The following TRPM3 variants were observed in gnomAD, a reference collection of about 807,000 sequenced individuals.
TRPM3 encodes the protein transient receptor potential cation channel subfamily M member 3, also known as long transient receptor potential channel 3.
Under a neutral mutation model 181.2 loss-of-function variants are expected in TRPM3, and 77 were observed. The observed-to-expected ratio is 0.42, with a 90% CI of 0.35 to 0.51. TRPM3 has a LOEUF of 0.51. TRPM3 is among the 20% of genes least tolerant of loss of function. The pLI, the probability that TRPM3 is intolerant of heterozygous loss-of-function variation, is 0.01. For synonymous variants in TRPM3, 745 were observed against 796.4 expected (o/e 0.94, Z 1.09); for missense variants, 1,759 against 2,196.7 (o/e 0.80, Z 3.98).
chr9:70,696,538 T>C (rs1318179676), intron 8 of TRPM3, among the ~76,000 whole-genome samples: 1 of 152,144 alleles, frequency 6.6e-6, no homozygotes, highest in Non-Finnish European at 1.5e-5. Context: ...CATGTGCTCA[T>C]AAGAGCCAAT....
At chr9:70,750,632 C>T (rs1276428824) in intron 8 of TRPM3, among the ~76,000 whole-genome samples, 1 of 152,132 alleles carries the variant, frequency 6.6e-6, no homozygotes, top group Non-Finnish European at 1.5e-5. Context: ...GTGAGAGACA[C>T]TGCCGAAAGA....
intron 5 of TRPM3, among the ~76,000 whole-genome samples, chr9:70,839,127 G>T (rs892723636): frequency 1.2e-4 from 19 of 152,278 alleles, no homozygotes; most frequent in South Asian, 6.2e-4. Flanking sequence ...TTGGGGGTAG[G>T]ATTAGAGATG....
intron 9 of TRPM3, among the ~76,000 whole-genome samples, chr9:70,660,405 T>C (rs1398405143): frequency 6.6e-6 from 1 of 152,152 alleles, no homozygotes; most frequent in Non-Finnish European, 1.5e-5. Context: ...GCCCCCTCTC[T>C]GCTTCGAGTT....
intron 1 of TRPM3, among the ~76,000 whole-genome samples, chr9:71,379,691 C>A (rs781369723): frequency 2.2e-5 from 3 of 133,568 alleles, no homozygotes; most frequent in Non-Finnish European, 3.5e-5. Context: ...TTTTCTTTCC[C>A]AGAATCTTTT....
intron 9 of TRPM3, among the ~76,000 whole-genome samples, chr9:70,661,046 G>A (rs188044745): frequency 6.6e-6 from 1 of 152,192 alleles, no homozygotes; most frequent in Admixed American, 6.5e-5. Flanking sequence ...CAAAATACTA[G>A]TGAACTAAAT....
intron 8 of TRPM3, among the ~76,000 whole-genome samples, chr9:70,760,339 A>G (rs185623160): frequency 6.6e-6 from 1 of 150,762 alleles, no homozygotes; most frequent in East Asian, 1.9e-4. Flanking sequence ...TGGCATGTAG[A>G]AGCTCAGGGC....
chr9:70,787,763 C>CTTTTTTTTTTTTTTTTTTTTTTGGGTTTT, intron 6 of TRPM3, among the ~76,000 whole-genome samples: 1 of 68,558 alleles, frequency 1.5e-5, no homozygotes, highest in Non-Finnish European at 2.6e-5. Context: ...TTTTTGGATT[C>CTTTTTTTTTTTTTTTTTTTTTTGGGTTTT]TTTTTTTTTT....
At chr9:70,551,946 G>T (rs2046562314) in intron 24 of TRPM3, among the ~76,000 whole-genome samples, 1 of 152,174 alleles carries the variant, frequency 6.6e-6, no homozygotes, top group African/African-American at 2.4e-5. Context: ...GGTCAGGGAG[G>T]GTGTTAAGAG....
chr9:70,659,829 A>C (rs1030798538), intron 9 of TRPM3, among the ~76,000 whole-genome samples: 5 of 152,194 alleles, frequency 3.3e-5, no homozygotes, highest in Non-Finnish European at 7.4e-5. Flanking sequence ...CTGTGAACTG[A>C]AGCTAGACAA....
intron 1 of TRPM3, among the ~76,000 whole-genome samples, chr9:71,325,963 A>G (rs1269811001): frequency 1.3e-5 from 2 of 152,224 alleles, no homozygotes; most frequent in Non-Finnish European, 2.9e-5. Flanking sequence ...TCATTTCAGA[A>G]GATGTTTCTG....
intron 1 of TRPM3, among the ~76,000 whole-genome samples, chr9:71,197,987 G>C (rs953872658): frequency 2.6e-5 from 4 of 151,272 alleles, no homozygotes; most frequent in South Asian, 2.1e-4. Context: ...TTTTCTTCTA[G>C]GGTTTTTATG....
intron 9 of TRPM3, among the ~76,000 whole-genome samples, chr9:70,666,357 T>A (rs1365962645): frequency 5.3e-5 from 8 of 152,218 alleles, no homozygotes; most frequent in African/African-American, 1.9e-4. Flanking sequence ...TTGTGTTTTG[T>A]GTTCTGTATT....
intron 1 of TRPM3, among the ~76,000 whole-genome samples, chr9:70,981,019 G>A (rs117030598): frequency 0.03 from 4,637 of 152,218 alleles, 95 homozygotes; most frequent in Middle Eastern, 0.048. Flanking sequence ...ATACAAGAAC[G>A]TGTTTTCTTG....
rs773880364 is a variant in TRPM3, at chr9:71,380,365, T to C, written c.183+66288A>G. Among the ~76,000 whole-genome samples the C allele has an allele frequency of 4.7e-4, 71 of 152,228 alleles. 1 individual carries two copies. The highest frequency in any genetic ancestry group is 1.5e-3 in the Admixed American group (23 of 15,252). ...GCCCTATGTTGCGAGGAAGTATGCA[T>C]GCTTGTGAGTTGGTAATATTACCAA... On this transcript the variant is annotated intron_variant, in intron 1 of 24. Coordinates refer to the TRPM3 transcript ENST00000357533.
intron 1 of TRPM3, among the ~76,000 whole-genome samples, chr9:71,426,628 T>C (rs2093868613): frequency 6.6e-6 from 1 of 152,154 alleles, no homozygotes; most frequent in African/African-American, 2.4e-5. Flanking sequence ...AAATTATTAA[T>C]TTCTGAATAT....
intron 1 of TRPM3, among the ~76,000 whole-genome samples, chr9:71,307,975 T>TTTC (rs1192480726): frequency 7.1e-6 from 1 of 141,608 alleles, no homozygotes; most frequent in Non-Finnish European, 1.5e-5. Flanking sequence ...TCTTTCTTTC[T>TTTC]TTTTTTTTTT....
chr9:71,316,867 GAAA>G (rs1017356334), intron 1 of TRPM3, among the ~76,000 whole-genome samples: 2 of 151,912 alleles, frequency 1.3e-5, no homozygotes, highest in African/African-American at 4.8e-5. Flanking sequence ...TCATCGTAAA[GAAA>G]AAAAATCCTG....
intron 1 of TRPM3, among the ~76,000 whole-genome samples, chr9:71,355,840 ATT>A (rs33919548): frequency 5.2e-4 from 79 of 151,672 alleles, no homozygotes; most frequent in East Asian, 1.6e-3. Context: ...AAAATATTCC[ATT>A]TTTTTTTCCA....
intron 6 of TRPM3, among the ~76,000 whole-genome samples, chr9:70,808,362 A>G (rs2091158474): frequency 1.3e-5 from 2 of 152,240 alleles, no homozygotes; most frequent in South Asian, 4.1e-4. Context: ...CTTGTTTACA[A>G]GAACTATCCC....
Sources: allele counts gnomAD v4.1 joint callset (sites outside exome capture counted in the v4.1 genomes callset), GRCh38; gene constraint gnomAD v4.1.1; transcripts MANE v1.5; gene names NCBI Gene and HGNC (gene_info 2026-07-23, HGNC 2026-07-21).